The following TAFA5 variants were observed in gnomAD, a reference collection of about 807,000 sequenced individuals.
The protein encoded by TAFA5 is chemokine-like protein TAFA-5.
In TAFA5, 6 loss-of-function variants were observed where a neutral mutation model predicts 15.3. The observed-to-expected ratio is 0.39, with a 90% CI of 0.21 to 0.77. TAFA5 has a LOEUF of 0.77. Among genes scored for constraint, TAFA5 ranks in the 30% least tolerant of loss-of-function variants. The pLI, the probability that TAFA5 is intolerant of heterozygous loss-of-function variation, is 0.41. For synonymous variants in TAFA5, 103 were observed against 80.7 expected, an observed-to-expected ratio of 1.28 and a Z score of -1.48; for missense variants, 161 against 193.1, an observed-to-expected ratio of 0.83 and a Z score of 0.98.
chr22:48,715,936 G>A (rs1929388973), intron 3 of TAFA5, among the ~76,000 whole-genome samples: 1 of 152,210 alleles, frequency 6.6e-6, no homozygotes, highest in Non-Finnish European at 1.5e-5. Flanking sequence ...AAGGTGTAAG[G>A]AAGGGGTCCA....
intron 2 of TAFA5, among the ~76,000 whole-genome samples, chr22:48,673,531 G>A (rs555607155): frequency 6.6e-6 from 1 of 152,306 alleles, no homozygotes; most frequent in South Asian, 2.1e-4. Flanking sequence ...CTGCTGGCCA[G>A]GAAGAGGCCG....
At chr22:48,725,168 T>G (rs1217823202) in intron 3 of TAFA5, among the ~76,000 whole-genome samples, 2 of 152,220 alleles carry the variant, frequency 1.3e-5, no homozygotes, top group African/African-American at 4.8e-5. Context: ...CGCCCGGACC[T>G]TTCAGGCCAT....
intron 1 of TAFA5, among the ~76,000 whole-genome samples, chr22:48,602,619 G>A (rs894676224): frequency 3.3e-5 from 5 of 152,352 alleles, no homozygotes; most frequent in African/African-American, 9.6e-5. Flanking sequence ...TGTCTTTGTT[G>A]TAACATATAT....
At chr22:48,681,254 C>G (rs545677899) in intron 2 of TAFA5, among the ~76,000 whole-genome samples, 1 of 152,112 alleles carries the variant, frequency 6.6e-6, no homozygotes, top group Non-Finnish European at 1.5e-5. Context: ...AGTTTCCCCC[C>G]AATTAGGAGA....
At chr22:48,501,929 G>A (rs1373949142) in intron 1 of TAFA5, among the ~76,000 whole-genome samples, 3 of 152,194 alleles carry the variant, frequency 2.0e-5, no homozygotes, top group South Asian at 2.1e-4. Flanking sequence ...TGGGGTGTGC[G>A]GTCACTTCAG....
chr22:48,568,998 C>T (rs1161935723), intron 1 of TAFA5, among the ~76,000 whole-genome samples: 1 of 152,200 alleles, frequency 6.6e-6, no homozygotes, highest in Non-Finnish European at 1.5e-5. Context: ...AGGCACCCTC[C>T]ATCCTGAACC....
At chr22:48,724,069 G>C (rs538602730) in intron 3 of TAFA5, among the ~76,000 whole-genome samples, 1 of 151,800 alleles carries the variant, frequency 6.6e-6, no homozygotes, top group Non-Finnish European at 1.5e-5. Context: ...GGAGAGACTC[G>C]GGGTTCTGGT....
chr22:48,613,801 C>T (rs762365753), intron 1 of TAFA5, among the ~76,000 whole-genome samples: 4 of 152,186 alleles, frequency 2.6e-5, no homozygotes, highest in Non-Finnish European at 5.9e-5. Flanking sequence ...GACTCTGTCG[C>T]CATAGAATGT....
At chr22:48,525,588 G>T (rs917442904) in intron 1 of TAFA5, among the ~76,000 whole-genome samples, 7 of 152,186 alleles carry the variant, frequency 4.6e-5, no homozygotes, top group African/African-American at 1.7e-4. Flanking sequence ...CGGTCCCCAG[G>T]CTTGAGCATG....
chr22:48,682,761 T>C (rs1394357517), intron 2 of TAFA5, among the ~76,000 whole-genome samples: 1 of 152,226 alleles, frequency 6.6e-6, no homozygotes, highest in Non-Finnish European at 1.5e-5. Context: ...GGATGAGGCC[T>C]TTGCTTTGCG....
intron 3 of TAFA5, among the ~76,000 whole-genome samples, chr22:48,714,957 T>G (rs1449288270): frequency 6.6e-6 from 1 of 152,208 alleles, no homozygotes; most frequent in Non-Finnish European, 1.5e-5. Flanking sequence ...TCATGGGGCC[T>G]GCTCTGTTTG....
intron 1 of TAFA5, among the ~76,000 whole-genome samples, chr22:48,536,190 A>C (rs964401429): frequency 6.6e-6 from 1 of 152,158 alleles, no homozygotes; most frequent in Non-Finnish European, 1.5e-5. Flanking sequence ...CCATGCCCCG[A>C]CACACACACA....
chr22:48,690,894 G>A (rs1426950080), intron 2 of TAFA5, among the ~76,000 whole-genome samples: 1 of 152,170 alleles, frequency 6.6e-6, no homozygotes, highest in Non-Finnish European at 1.5e-5. Context: ...GCACAGAGCT[G>A]CCTGTCGTGG....
intron 1 of TAFA5, among the ~76,000 whole-genome samples, chr22:48,591,757 T>C (rs1924575421): frequency 6.6e-6 from 1 of 152,138 alleles, no homozygotes; most frequent in Non-Finnish European, 1.5e-5. Flanking sequence ...GGGCAGCATG[T>C]TCCCCAGTCA....
intron 1 of TAFA5, among the ~76,000 whole-genome samples, chr22:48,586,336 C>T (rs1924359466): frequency 6.6e-6 from 1 of 152,258 alleles, no homozygotes; most frequent in Non-Finnish European, 1.5e-5. Context: ...TTGTGCTCCT[C>T]CCAAGGGTCA....
rs1018210080 is a variant in TAFA5 at position 48,541,070 on chromosome 22, C to G, written c.112+51366C>G. 3.3e-5 allele frequency among the ~76,000 whole-genome samples: 5 copies of G among 152,194 alleles called. 1 individual carries two copies. Among genetic ancestry groups the G allele is most frequent in the Admixed American group, 3.3e-4 (5 of 15,290 alleles). ...GGGACAGGGGGTGGGGGAGTCAGGG[C>G]TGGGAGTGAAGCCCCAGGAAGTCCG... On this transcript the variant is annotated intron_variant, in intron 1 of 3. Transcript: ENST00000402357.
chr22:48,594,142 C>G (rs1290969222), intron 1 of TAFA5, among the ~76,000 whole-genome samples: 1 of 152,164 alleles, frequency 6.6e-6, no homozygotes, highest in African/African-American at 2.4e-5. Flanking sequence ...CACTCTTTCT[C>G]TGGGGATGCA....
intron 1 of TAFA5, among the ~76,000 whole-genome samples, chr22:48,644,180 G>A (rs1250469987): frequency 6.6e-6 from 1 of 152,178 alleles, no homozygotes; most frequent in African/African-American, 2.4e-5. Flanking sequence ...TGTGCAATTT[G>A]GTAGTGGAAG....
chr22:48,594,669 C>G (rs1924697583), intron 1 of TAFA5, among the ~76,000 whole-genome samples: 1 of 152,206 alleles, frequency 6.6e-6, no homozygotes, highest in Admixed American at 6.5e-5. Flanking sequence ...CTGTGGGTGT[C>G]CAGAGCCTTC....
Sources: allele counts gnomAD v4.1 joint callset (sites outside exome capture counted in the v4.1 genomes callset), GRCh38; gene constraint gnomAD v4.1.1; transcripts MANE v1.5; gene names NCBI Gene and HGNC (gene_info 2026-07-23, HGNC 2026-07-21).